Variants in ABCC12 observed in about 807,000 individuals in gnomAD.
ABCC12 encodes the protein ATP-binding cassette sub-family C member 12.
A neutral mutation model predicts 151.1 loss-of-function variants in ABCC12; 142 were observed. The observed-to-expected ratio is 0.94, with a 90% CI of 0.82 to 1.08. The LOEUF is 1.08. Among genes scored for constraint, ABCC12 ranks in the 50% least tolerant of loss-of-function variants. ABCC12 has a pLI of 0.00. For missense variants in ABCC12, 1,638 were observed against 1,691.1 expected, an observed-to-expected ratio of 0.97 and a Z score of 0.55; for synonymous variants, 645 against 646.4, an observed-to-expected ratio of 1.00 and a Z score of 0.03.
chr16:48,117,355 G>A lies in ABCC12; in HGVS notation c.1713-22C>T, dbSNP rs755822851. The A allele has an allele frequency of 5.0e-6, 8 of 1,611,992 alleles. No homozygotes were observed. The South Asian group carries it at 6.6e-5, about 13-fold the overall frequency. On this transcript the variant is annotated intron_variant, in intron 13 of 30. Coordinates refer to ENST00000311303, the MANE Select transcript of ABCC12 (RefSeq NM_001393797.1). ...ATACCTGTTGGTGCAAAGCTCAGAA[G>A]TAGCTGGGTGAGAAAGACCCCAAGC...
chr16:48,152,060 T>C (rs1965124295), intron 2 of ABCC12, among the ~76,000 whole-genome samples: 1 of 152,204 alleles, frequency 6.6e-6, no homozygotes, highest in African/African-American at 2.4e-5. Context: ...AGACAAGGCT[T>C]GGCATGACCG....
chr16:48,141,127 C>T, intron 5 of ABCC12, 79 bp downstream of exon 5: 1 of 1,564,712 alleles, frequency 6.4e-7, no homozygotes, highest in Admixed American at 1.8e-5. Flanking sequence ...AACCCACCAG[C>T]TCGTAGAGAA....
intron 11 of ABCC12, among the ~76,000 whole-genome samples, chr16:48,124,704 A>C (rs559306474): frequency 1.3e-5 from 2 of 152,346 alleles, no homozygotes; most frequent in South Asian, 2.1e-4. Context: ...ATGGACATCT[A>C]GGGGCTTTTC....
intron 10 of ABCC12, 32 bp downstream of exon 10, chr16:48,130,756 T>A: frequency 6.5e-7 from 1 of 1,529,606 alleles, no homozygotes; most frequent in Non-Finnish European, 9.1e-7. Context: ...AAATGAGATC[T>A]CTCTTCCCTA....
chr16:48,143,684 T>C (rs1255415309), intron 4 of ABCC12, among the ~76,000 whole-genome samples: 1 of 152,196 alleles, frequency 6.6e-6, no homozygotes, highest in Non-Finnish European at 1.5e-5. Flanking sequence ...TGAGATCTGA[T>C]GGTTTTACAA....
chr16:48,083,492 T>A lies in ABCC12; in HGVS notation c.*223A>T. ...AAGGGCAGTTTTTTAATCCATTAGC[T>A]GGGTCTGCCCCGGTTCACCACCCAG... is the stretch of plus-strand genomic sequence containing the variant. On this transcript the variant is annotated 3_prime_UTR_variant, in exon 31 of 31. Transcript: ENST00000311303. 1 of 524,672 alleles carries A rather than the reference T, an allele frequency of 1.9e-6. No individual in the cohort carries two copies. Among genetic ancestry groups the A allele is most frequent in the Non-Finnish European group, 3.3e-6 (1 of 302,566 alleles). 32.5% of individuals were successfully genotyped at this position (524,672 alleles called of 1,614,324 possible).
At chr16:48,091,300 TC>T in intron 24 of ABCC12, 91 bp from the exon 25 acceptor site, 1 of 1,137,794 alleles carries the variant, frequency 8.8e-7, no homozygotes, top group South Asian at 1.2e-5. Flanking sequence ...TAGTGAATGA[TC>T]CCTCCCCTGC....
intron 20 of ABCC12, 38 bp from the exon 21 acceptor site, chr16:48,105,374 A>C: frequency 6.4e-7 from 1 of 1,553,076 alleles, no homozygotes; most frequent in Non-Finnish European, 8.7e-7. Context: ...AGAATTGATA[A>C]ATTCCTGCCA....
In ABCC12 at chr16:48,091,140, G is replaced by C; in HGVS notation, c.3265C>G (p.Leu1089Val). The change falls in exon 25 of 31, where the codon CTG becomes GTG. Residue 1089 changes from leucine (L) to valine (V), a missense_variant. Coordinates refer to ENST00000311303, the MANE Select transcript of ABCC12 (RefSeq NM_001393797.1). ...ETQAKFTSVE[L>V]LREYISTCVP... ...CTTACCGAAATGTATTCCCTGAGCAGCTCCACGGAGGTGAATTTGGCTTGC... is the reference window on the plus strand; with the variant it reads ...CTTACCGAAATGTATTCCCTGAGCACCTCCACGGAGGTGAATTTGGCTTGC... 1 of 1,614,202 alleles carries C rather than the reference G, an allele frequency of 6.2e-7. No individual in the cohort carries two copies. The highest frequency in any genetic ancestry group is 1.1e-5 in the South Asian group (1 of 91,080).
intron 1 of ABCC12, among the ~76,000 whole-genome samples, chr16:48,154,449 T>TA (rs1965156853): frequency 6.6e-6 from 1 of 152,186 alleles, no homozygotes; most frequent in East Asian, 1.9e-4. Flanking sequence ...ACAATCCACT[T>TA]ACGTTGAGCA....
intron 8 of ABCC12, among the ~76,000 whole-genome samples, chr16:48,135,081 T>C (rs531796364): frequency 7.2e-5 from 11 of 152,136 alleles, no homozygotes; most frequent in Admixed American, 6.5e-4. Context: ...ACCCCACCCT[T>C]TCAGGCCAAA....
Position 48,141,315 on chromosome 16 carries a change from C to T in ABCC12, c.314G>A (p.Gly105Asp). ...VLWDEEVARV[G>D]PEKASLSHVV... ...GTGGCTCAGAGAGGCCTTCTCAGGA[C>T]CCACCCTTGCTACCTCTTCATCCCA... Residue 105 changes from glycine to aspartate, a missense_variant, in exon 5 of 31, where the codon GGT becomes GAT. Physicochemically the swap from Gly to Asp is moderately conservative, Grantham distance 94. Coordinates refer to ENST00000311303, the MANE Select transcript of ABCC12 (RefSeq NM_001393797.1). The T allele has an allele frequency of 4.3e-6, 7 of 1,614,212 alleles. 1 individual carries two copies. The highest frequency in any genetic ancestry group is 5.1e-6 in the Non-Finnish European group (6 of 1,180,046).
chr16:48,104,310 C>G lies in ABCC12; in HGVS notation c.2732G>C (p.Arg911Pro). ...CAGCTCGTCCATATCCTTGGAAAAA[C>G]GGTTCATTAGCCTGCCAGTGGGAGT... ...DTTPTGRLMN[R>P]FSKDMDELDV... The change falls in exon 22 of 31, where the codon CGT becomes CCT. Residue 911 changes from arginine to proline, a missense_variant. Arg to Pro is a moderately radical substitution (Grantham distance 103). Transcript: ENST00000311303. 1.2e-6 allele frequency: 2 copies of G among 1,614,228 alleles called. No individual in the cohort carries two copies. The highest frequency in any genetic ancestry group is 1.7e-6 in the Non-Finnish European group (2 of 1,180,042).
intron 13 of ABCC12, 86 bp from the exon 14 acceptor site, chr16:48,117,419 TTG>T (rs1963921861): frequency 4.1e-6 from 6 of 1,470,866 alleles, no homozygotes; most frequent in Non-Finnish European, 5.6e-6. Flanking sequence ...GCTGCTGGTG[TTG>T]CTGGGGCAAG....
chr16:48,098,138 C>CAG (rs1491238634), intron 23 of ABCC12, among the ~76,000 whole-genome samples: 14 of 144,878 alleles, frequency 9.7e-5, no homozygotes, highest in Admixed American at 3.4e-4. Flanking sequence ...CACACACACA[C>CAG]AGCATAGCCT....
At chr16:48,086,084 G>A (rs1238655058) in intron 28 of ABCC12, 1 of 205,002 alleles carries the variant, frequency 4.9e-6, no homozygotes. Flanking sequence ...GGTAAGACAG[G>A]GTCTGACTTA....
At chr16:48,097,093 T>A (rs1963126834) in intron 23 of ABCC12, among the ~76,000 whole-genome samples, 191 bp from the exon 24 acceptor site, 1 of 152,196 alleles carries the variant, frequency 6.6e-6, no homozygotes, top group African/African-American at 2.4e-5. Flanking sequence ...CTCTTAAAAA[T>A]CTGCCACTCT....
At chr16:48,089,876 CT>C (rs1962805308) in intron 25 of ABCC12, among the ~76,000 whole-genome samples, 1 of 152,100 alleles carries the variant, frequency 6.6e-6, no homozygotes. Flanking sequence ...TAAAAGTTTA[CT>C]GTTTATAGCA....
chr16:48,144,969 C>T (rs1411170166), intron 3 of ABCC12, among the ~76,000 whole-genome samples: 1 of 152,240 alleles, frequency 6.6e-6, no homozygotes, highest in African/African-American at 2.4e-5. Context: ...AGAGTATTTG[C>T]CCAAGGTCTT....
Sources: allele counts gnomAD v4.1 joint callset (sites outside exome capture counted in the v4.1 genomes callset), GRCh38; gene constraint gnomAD v4.1.1; transcripts MANE v1.5; gene names NCBI Gene and HGNC (gene_info 2026-07-23, HGNC 2026-07-21).